PIK3R3: variants seen among roughly 807,000 people sequenced by gnomAD.
PIK3R3 encodes the protein phosphoinositide-3-kinase regulatory subunit 3, also known as phosphatidylinositol 3-kinase regulatory subunit gamma.
PIK3R3 carries 64 observed loss-of-function variants against 62.9 expected under a neutral mutation model. The ratio of observed to expected loss-of-function variants is 1.02; its 90% CI spans 0.83 to 1.25. The LOEUF is 1.25. Ranked by LOEUF, PIK3R3 falls within the 50% of genes most tolerant of loss-of-function variation. The pLI is 0.00. For missense variants in PIK3R3, 614 were observed against 561.6 expected (o/e 1.09, Z -0.94); for synonymous variants, 165 against 189.0 (o/e 0.87, Z 1.04).
intron 1 of PIK3R3, among the ~76,000 whole-genome samples, chr1:46,106,787 C>CT (rs34144580): frequency 1.3e-5 from 2 of 151,440 alleles, no homozygotes; most frequent in Middle Eastern, 3.2e-3. Flanking sequence ...TCTTTTTTTT[C>CT]TTTTTTTGAC....
chr1:46,108,979 G>C (rs559064776), intron 1 of PIK3R3, among the ~76,000 whole-genome samples: 1 of 152,292 alleles, frequency 6.6e-6, no homozygotes, highest in Admixed American at 6.5e-5. Context: ...CTAACACGGT[G>C]AAACCGTGTC....
chr1:46,164,910 T>C, the PIK3R3 span, among the ~76,000 whole-genome samples: 1 of 151,950 alleles, frequency 6.6e-6, no homozygotes, highest in South Asian at 2.1e-4. Context: ...TCATATCTCG[T>C]TGCAACCTCA....
At chr1:46,126,763 C>G (rs1655128992) in intron 1 of PIK3R3, among the ~76,000 whole-genome samples, 1 of 150,536 alleles carries the variant, frequency 6.6e-6, no homozygotes, top group Admixed American at 6.6e-5. Flanking sequence ...AAAGCAAGAC[C>G]CTGTCTCAAA....
rs1449805365 is a variant in PIK3R3, at chr1:46,066,924, G to C, written c.482C>G (p.Ser161Cys). The C allele has an allele frequency of 6.2e-7, 1 of 1,612,964 alleles. No individual in the cohort carries two copies. Among genetic ancestry groups the C allele is most frequent in the African/African-American group, 1.3e-5 (1 of 74,804 alleles). The change falls in exon 4 of 10, where the codon TCC becomes TGC. Residue 161 changes from serine (S) to cysteine (C), a missense_variant. By Grantham distance (112) the Ser-to-Cys change is moderately radical. Transcript: ENST00000262741. Reference sequence around the variant, plus strand: ...CCATAATCATACCTGTTGGTATCTGGACACTGGGTACATCAGCTTCACATC... The same window carrying C: ...CCATAATCATACCTGTTGGTATCTGCACACTGGGTACATCAGCTTCACATC... The part of the protein sequence containing the change: ...KLDVKLMYPV[S>C]RYQQDQLVKE...
chr1:46,050,278 A>G (rs1392526707), intron 7 of PIK3R3, among the ~76,000 whole-genome samples: 1 of 151,884 alleles, frequency 6.6e-6, no homozygotes, highest in Non-Finnish European at 1.5e-5. Context: ...TATATTAAAG[A>G]ATGAAGCCAG....
intron 1 of PIK3R3, among the ~76,000 whole-genome samples, chr1:46,081,402 G>A (rs774982875): frequency 2.8e-4 from 43 of 152,290 alleles, no homozygotes; most frequent in South Asian, 6.2e-4. Flanking sequence ...TAGGAAAAGC[G>A]CCACACAGCA....
At position 46,055,895 on chromosome 1, in the gene PIK3R3, AATCCTGC is replaced by A. The variant is rs1647854381; in HGVS notation, c.834_840del (p.Glu278AspfsTer2). 1 of 1,610,422 alleles carries A rather than the reference AATCCTGC, an allele frequency of 6.2e-7. No individual in the cohort carries two copies. Among genetic ancestry groups the A allele is most frequent in the African/African-American group, 1.3e-5 (1 of 74,634 alleles). Reference sequence around the variant, plus strand: ...CGGTTGTCCAAAGCTTGATTCTTCAAATCCTGCTCTAGACGCATTTTGCTATCATGAA... The same window carrying A: ...CGGTTGTCCAAAGCTTGATTCTTCAATCTAGACGCATTTTGCTATCATGAA... On this transcript the variant is annotated frameshift_variant, in exon 7 of 10. Transcript: ENST00000262741. LOFTEE classifies it high-confidence loss of function.
the PIK3R3 span, among the ~76,000 whole-genome samples, chr1:46,159,738 TACACAC>T: frequency 1.2e-3 from 176 of 148,110 alleles, 5 homozygotes; most frequent in East Asian, 0.021. Context: ...ATGAGTACCA[TACACAC>T]ACACACACAC....
chr1:46,117,092 C>CA (rs1225574744), intron 1 of PIK3R3, among the ~76,000 whole-genome samples: 1 of 152,072 alleles, frequency 6.6e-6, no homozygotes, highest in Non-Finnish European at 1.5e-5. Context: ...CACAGCCCAC[C>CA]AAAAAAATTA....
intron 1 of PIK3R3, among the ~76,000 whole-genome samples, chr1:46,108,017 T>G (rs1403446715): frequency 6.6e-6 from 1 of 151,920 alleles, no homozygotes; most frequent in Non-Finnish European, 1.5e-5. Context: ...AAAGAAGAAC[T>G]AATAATCTCT....
chr1:46,128,223 C>CAAGG (rs906546024), intron 1 of PIK3R3, among the ~76,000 whole-genome samples: 1 of 152,072 alleles, frequency 6.6e-6, no homozygotes, highest in African/African-American at 2.4e-5. Flanking sequence ...TCACTTGAGG[C>CAAGG]AAGGAGCTCA....
At chr1:46,099,514 AG>A (rs1403401616) in intron 1 of PIK3R3, among the ~76,000 whole-genome samples, 2 of 152,222 alleles carry the variant, frequency 1.3e-5, no homozygotes, top group African/African-American at 4.8e-5. Context: ...AACTTTATAC[AG>A]GAGGAATCTT....
the PIK3R3 span, among the ~76,000 whole-genome samples, chr1:46,145,118 C>T: frequency 1.4e-5 from 2 of 142,748 alleles, no homozygotes; most frequent in African/African-American, 5.2e-5. Context: ...AATGAAACTC[C>T]ACCTCAAAAA....
At chr1:46,136,974 G>A (rs998114100), upstream of PIK3R3, among the ~76,000 whole-genome samples, 27 of 152,146 alleles carry the variant, frequency 1.8e-4, no homozygotes, top group Non-Finnish European at 1.5e-4. Flanking sequence ...CACAAACAGG[G>A]CAGGCAGCTG....
At chr1:46,051,343 C>A (rs1477698319) in intron 7 of PIK3R3, among the ~76,000 whole-genome samples, 2 of 152,068 alleles carry the variant, frequency 1.3e-5, no homozygotes, top group East Asian at 1.9e-4. Flanking sequence ...TCACTGCAAC[C>A]TCCACCTCCC....
chr1:46,148,109 C>T, the PIK3R3 span, among the ~76,000 whole-genome samples: 4 of 152,276 alleles, frequency 2.6e-5, no homozygotes, highest in Non-Finnish European at 2.9e-5. Flanking sequence ...TGGAGGTCTT[C>T]TCATGGCCTG....
intron 1 of PIK3R3, among the ~76,000 whole-genome samples, chr1:46,082,457 C>T (rs1165303874): frequency 6.6e-6 from 1 of 152,166 alleles, no homozygotes; most frequent in Non-Finnish European, 1.5e-5. Context: ...TTAAGGACAA[C>T]ACTGCGACAA....
At chr1:46,076,616 T>C (rs1650089023) in intron 3 of PIK3R3, among the ~76,000 whole-genome samples, 1 of 152,200 alleles carries the variant, frequency 6.6e-6, no homozygotes, top group Non-Finnish European at 1.5e-5. Context: ...ATTTATGCCA[T>C]ACTAGCATAA....
intron 8 of PIK3R3, 27 bp from the exon 9 acceptor site, chr1:46,046,115 T>TAGGAA (rs1303689507): frequency 7.5e-7 from 1 of 1,339,412 alleles, no homozygotes; most frequent in Non-Finnish European, 1.0e-6. Context: ...AGTATATTAT[T>TAGGAA]CTAACAAGTT....
Sources: gnomAD v4.1 joint callset for allele counts (sites outside exome capture counted in the v4.1 genomes callset) on GRCh38, gnomAD v4.1.1 for gene constraint, MANE v1.5 for transcripts, NCBI Gene and HGNC (gene_info 2026-07-23, HGNC 2026-07-21) for gene names.